EZR: variants seen among roughly 807,000 people sequenced by gnomAD.
The protein encoded by EZR is ezrin.
In EZR, 40 loss-of-function variants were observed where a neutral mutation model predicts 74.8. The observed-to-expected ratio is 0.53, with a 90% CI of 0.42 to 0.70. The LOEUF is 0.70. EZR is among the 30% of genes least tolerant of loss of function. The pLI, the probability that EZR is intolerant of heterozygous loss-of-function variation, is 0.00. For synonymous variants in EZR, 341 were observed against 283.3 expected, an observed-to-expected ratio of 1.20 and a Z score of -2.05; for missense variants, 678 against 755.8, an observed-to-expected ratio of 0.90 and a Z score of 1.21.
intron 1 of EZR, among the ~76,000 whole-genome samples, chr6:158,818,847 G>C (rs1777626971): frequency 6.8e-6 from 1 of 148,070 alleles, no homozygotes; most frequent in Non-Finnish European, 1.5e-5. Context: ...GGCACAGGGC[G>C]GGCGGGGGGG....
At chr6:158,799,456 T>C (rs1457004411) in intron 2 of EZR, among the ~76,000 whole-genome samples, 4 of 152,246 alleles carry the variant, frequency 2.6e-5, no homozygotes, top group Non-Finnish European at 5.9e-5. Flanking sequence ...TAATCCTTTA[T>C]ATAAAAACAT....
chr6:158,772,057 C>T (rs540193183), intron 8 of EZR, among the ~76,000 whole-genome samples: 2 of 152,326 alleles, frequency 1.3e-5, no homozygotes, highest in South Asian at 2.1e-4. Context: ...GCCCAGCCTC[C>T]GCTGTGCACT....
At chr6:158,787,811 T>C (rs1019620450) in intron 3 of EZR, among the ~76,000 whole-genome samples, 2 of 152,226 alleles carry the variant, frequency 1.3e-5, no homozygotes, top group Non-Finnish European at 2.9e-5. Flanking sequence ...CTGCATCTTA[T>C]AGACCTCCAG....
intron 2 of EZR, among the ~76,000 whole-genome samples, chr6:158,795,376 A>AC (rs1174118592): frequency 6.6e-5 from 10 of 152,100 alleles, no homozygotes; most frequent in Non-Finnish European, 1.5e-4. Context: ...GTTTGAGACT[A>AC]CCCTGGGCAA....
In EZR at chr6:158,818,168, T is replaced by G; in HGVS notation, c.-73-2A>C. 1.3e-6 allele frequency: 2 copies of G among 1,567,658 alleles called. No individual in the cohort carries two copies. Among genetic ancestry groups the G allele is most frequent in the Non-Finnish European group, 1.7e-6 (2 of 1,143,610 alleles). On this transcript the variant is annotated splice_acceptor_variant, in intron 1 of 13. Coordinates refer to ENST00000367075, the MANE Select transcript of EZR (RefSeq NM_001111077.2). LOFTEE classifies it low-confidence loss of function (5UTR_SPLICE). Reference sequence around the variant, plus strand: ...CAGCAGCGAAGACGCTGTCCCAACCTGGAGTCAGAGCAGAACCCTTAGAGC... The same window carrying G: ...CAGCAGCGAAGACGCTGTCCCAACCGGGAGTCAGAGCAGAACCCTTAGAGC...
chr6:158,799,282 T>C (rs3123122), intron 2 of EZR, among the ~76,000 whole-genome samples: 3 of 152,054 alleles, frequency 2.0e-5, no homozygotes, highest in Admixed American at 6.6e-5. Flanking sequence ...CTGACTCAGG[T>C]TGGGAGGGGC....
At chr6:158,773,635 G>A (rs1370099593) in intron 8 of EZR, among the ~76,000 whole-genome samples, 1 of 152,242 alleles carries the variant, frequency 6.6e-6, no homozygotes, top group East Asian at 1.9e-4. Flanking sequence ...TCCCCAGGAT[G>A]CCAGGAAACT....
chr6:158,791,857 C>T (rs956665860), intron 2 of EZR, among the ~76,000 whole-genome samples: 4 of 151,596 alleles, frequency 2.6e-5, no homozygotes, highest in South Asian at 2.1e-4. Flanking sequence ...TACAGGTGCC[C>T]GCCACAACAC....
At chr6:158,789,171 C>G (rs753094742) in intron 3 of EZR, 117 bp downstream of exon 3, 23 of 695,222 alleles carry the variant, frequency 3.3e-5, no homozygotes, top group Non-Finnish European at 5.6e-5. Context: ...AGATCCTTCT[C>G]ATCTATTACC....
intron 8 of EZR, among the ~76,000 whole-genome samples, chr6:158,772,772 G>C (rs1791156365): frequency 6.6e-6 from 1 of 152,190 alleles, no homozygotes; most frequent in Non-Finnish European, 1.5e-5. Flanking sequence ...CTGACCATTT[G>C]GAACAGAGGG....
At chr6:158,814,118 T>C (rs1361566750) in intron 2 of EZR, among the ~76,000 whole-genome samples, 1 of 152,168 alleles carries the variant, frequency 6.6e-6, no homozygotes, top group Non-Finnish European at 1.5e-5. Flanking sequence ...CACCATGTCC[T>C]GGGGACTGGC....
chr6:158,814,469 C>G (rs1777512380), intron 2 of EZR, among the ~76,000 whole-genome samples: 1 of 152,070 alleles, frequency 6.6e-6, no homozygotes, highest in South Asian at 2.1e-4. Flanking sequence ...GGCCCAGGTA[C>G]CAGACACTAA....
intron 2 of EZR, 134 bp from the exon 3 acceptor site, chr6:158,789,505 G>A (rs1225022830): frequency 1.2e-6 from 1 of 832,488 alleles, no homozygotes; most frequent in East Asian, 2.4e-5. Context: ...TGCTAGTCAG[G>A]AAGCCACACA....
chr6:158,791,246 G>A (rs1432780269), intron 2 of EZR, among the ~76,000 whole-genome samples: 1 of 152,146 alleles, frequency 6.6e-6, no homozygotes, highest in Non-Finnish European at 1.5e-5. Flanking sequence ...CCCAAGTCCA[G>A]AAGTTAAAGA....
intron 2 of EZR, among the ~76,000 whole-genome samples, chr6:158,794,014 C>A (rs535826186): frequency 6.6e-6 from 1 of 152,192 alleles, no homozygotes; most frequent in South Asian, 2.1e-4. Flanking sequence ...CAGTGGTTCA[C>A]GCCTGTAATC....
At chr6:158,810,672 T>C (rs1042500003) in intron 2 of EZR, among the ~76,000 whole-genome samples, 1 of 152,116 alleles carries the variant, frequency 6.6e-6, no homozygotes, top group Non-Finnish European at 1.5e-5. Context: ...ACCCAAACTG[T>C]TCATATTGCT....
At chr6:158,801,864 C>T (rs971354538) in intron 2 of EZR, among the ~76,000 whole-genome samples, 5 of 152,208 alleles carry the variant, frequency 3.3e-5, no homozygotes, top group Non-Finnish European at 7.3e-5. Context: ...GGCAGAGTTC[C>T]GAGTACAGAC....
At position 158,771,251 on chromosome 6, in the gene EZR, G is replaced by A. The variant is rs974651390; in HGVS notation, c.952C>T (p.Leu318=). The A allele has an allele frequency of 1.2e-6, 2 of 1,612,462 alleles. No homozygotes were observed. Among genetic ancestry groups the A allele is most frequent in the Admixed American group, 1.7e-5 (1 of 59,736 alleles). The change falls in exon 9 of 14, where the codon CTG becomes TTG. Residue 318 remains leucine (L), a synonymous_variant. Coordinates refer to ENST00000367075, the MANE Select transcript of EZR (RefSeq NM_001111077.2). ...QAREEKHQKQ[L]ERQQLETEKK... ...CTGGCCTCACGCGCTCACCGCTCCAGCTGCTTCTGATGCTTCTCCTCCCGG... is the reference window on the plus strand; with the variant it reads ...CTGGCCTCACGCGCTCACCGCTCCAACTGCTTCTGATGCTTCTCCTCCCGG...
intron 2 of EZR, among the ~76,000 whole-genome samples, chr6:158,804,840 G>A (rs1191088074): frequency 1.3e-5 from 2 of 150,354 alleles, no homozygotes; most frequent in Non-Finnish European, 3.0e-5. Flanking sequence ...GTATACATGT[G>A]CCATGCTGGT....
Sources: gnomAD v4.1 joint callset for allele counts (sites outside exome capture counted in the v4.1 genomes callset) on GRCh38, gnomAD v4.1.1 for gene constraint, MANE v1.5 for transcripts, NCBI Gene and HGNC (gene_info 2026-07-23, HGNC 2026-07-21) for gene names.